MTRF1: variants seen among roughly 807,000 people sequenced by gnomAD.
MTRF1 encodes the protein peptide chain release factor 1, mitochondrial.
In MTRF1, 51 loss-of-function variants were observed where a neutral mutation model predicts 62.9. That is an observed-to-expected ratio of 0.81 (90% CI 0.65 to 1.02). MTRF1 has a LOEUF of 1.02. Ranked by LOEUF, MTRF1 falls within the 50% of genes least tolerant of loss-of-function variation. The pLI is 0.00. For missense variants in MTRF1, 446 were observed against 530.0 expected, an observed-to-expected ratio of 0.84 and a Z score of 1.56; for synonymous variants, 158 against 181.9, an observed-to-expected ratio of 0.87 and a Z score of 1.06.
At chr13:41,266,731 C>T (rs947666668), upstream of MTRF1, among the ~76,000 whole-genome samples, 4 of 152,106 alleles carry the variant, frequency 2.6e-5, no homozygotes, top group Admixed American at 6.5e-5. Flanking sequence ...CAGTGGCTCA[C>T]GCCTGTAATC....
At chr13:41,286,780 A>G in the MTRF1 span, among the ~76,000 whole-genome samples, 24 of 152,220 alleles carry the variant, frequency 1.6e-4, no homozygotes, top group African/African-American at 5.3e-4. Context: ...TTTTTTTAAC[A>G]AAAATTCAGT....
At chr13:41,262,350 A>G (rs905863257) in intron 1 of MTRF1, 28 of 148,678 alleles carry the variant, frequency 1.9e-4, no homozygotes, top group African/African-American at 6.4e-4. Flanking sequence ...AAAAAAAAAA[A>G]AAAAAAAGAA....
chr13:41,251,855 T>TAAAG (rs1362966712), intron 5 of MTRF1, among the ~76,000 whole-genome samples: 2 of 152,208 alleles, frequency 1.3e-5, no homozygotes, highest in East Asian at 3.9e-4. Flanking sequence ...TATTTAAAGG[T>TAAAG]AAAGAACTGC....
the MTRF1 span, among the ~76,000 whole-genome samples, chr13:41,286,091 A>C: frequency 4.6e-3 from 602 of 131,830 alleles, 2 homozygotes; most frequent in African/African-American, 0.014. Context: ...ACAACAACAA[A>C]AAAAAAAAAA....
intron 1 of MTRF1, among the ~76,000 whole-genome samples, 193 bp from the exon 2 acceptor site, chr13:41,261,108 C>T (rs1047813335): frequency 1.3e-5 from 2 of 152,134 alleles, no homozygotes; most frequent in Non-Finnish European, 2.9e-5. Context: ...CTGAGGCAGG[C>T]GGATCACCTG....
chr13:41,270,903 A>C, the MTRF1 span, among the ~76,000 whole-genome samples: 6 of 151,810 alleles, frequency 4.0e-5, no homozygotes, highest in Admixed American at 2.0e-4. Context: ...ATGCCCGGCT[A>C]ATTTTTTGGA....
intron 5 of MTRF1, among the ~76,000 whole-genome samples, chr13:41,243,451 T>C (rs1276973076): frequency 6.7e-6 from 1 of 149,598 alleles, no homozygotes; most frequent in East Asian, 2.0e-4. Flanking sequence ...AGTTCAGTGC[T>C]CTTCTCCTAT....
chr13:41,297,275 G>T, the MTRF1 span, among the ~76,000 whole-genome samples: 9 of 152,116 alleles, frequency 5.9e-5, no homozygotes, highest in Admixed American at 2.6e-4. Context: ...ATTCCCCAAG[G>T]CTAGTGGGCG....
chr13:41,242,838 C>G (rs1245104040), intron 5 of MTRF1, among the ~76,000 whole-genome samples: 1 of 152,072 alleles, frequency 6.6e-6, no homozygotes, highest in Non-Finnish European at 1.5e-5. Context: ...AATCCTGGCA[C>G]TGTGCAAAGC....
the MTRF1 span, among the ~76,000 whole-genome samples, chr13:41,309,192 CTT>C: frequency 6.9e-6 from 1 of 145,086 alleles, no homozygotes. Context: ...TGCATGTGTC[CTT>C]TTTTTTTTTG....
In MTRF1 at chr13:41,250,258, T is replaced by C. The variant is rs146928248; in HGVS notation, c.697+2387A>G. ...CTCTTTTGCTTCCATAATATTTTAC[T>C]GTCCTCATCCTTTTTCTGATTATCT... On this transcript the variant is annotated intron_variant, in intron 5 of 9. Coordinates refer to ENST00000379480, the MANE Select transcript of MTRF1 (RefSeq NM_004294.4). Among the ~76,000 whole-genome samples, 6 of 152,328 alleles carry C rather than the reference T, an allele frequency of 3.9e-5. No individual in the cohort carries two copies. In the East Asian group the frequency reaches 1.2e-3, roughly 29 times the overall value.
At chr13:41,269,002 T>A in the MTRF1 span, among the ~76,000 whole-genome samples, 1 of 151,100 alleles carries the variant, frequency 6.6e-6, no homozygotes, top group African/African-American at 2.4e-5. Flanking sequence ...CTTTCTGGTT[T>A]GACGTGACCA....
rs1277203301 is a variant in MTRF1, at chr13:41,226,892, A to G, written c.989-324T>C. Among the ~76,000 whole-genome samples, 11 of 152,172 alleles carry G rather than the reference A, an allele frequency of 7.2e-5. No homozygotes were observed. In the East Asian group the frequency reaches 2.1e-3, roughly 29 times the overall value. On this transcript the variant is annotated intron_variant, in intron 7 of 9. Transcript: ENST00000379480. ...TCTGCAGCTCAACAAACAGCAAACT[A>G]CTGCTACTCCCTATACTGCGCTGCT...
chr13:41,292,134 C>A, the MTRF1 span, among the ~76,000 whole-genome samples: 1 of 151,878 alleles, frequency 6.6e-6, no homozygotes, highest in Non-Finnish European at 1.5e-5. Context: ...AGAGAGAGAG[C>A]GAGAGAGAAA....
the MTRF1 span, among the ~76,000 whole-genome samples, chr13:41,283,585 CTTT>C: frequency 3.6e-5 from 3 of 83,564 alleles, no homozygotes; most frequent in Admixed American, 2.0e-4. Context: ...CTCTGACAAT[CTTT>C]TTTTTTTTTT....
intron 1 of MTRF1, chr13:41,263,273 A>G (rs1347808800): frequency 3.1e-6 from 4 of 1,289,190 alleles, no homozygotes; most frequent in Non-Finnish European, 4.0e-6. Flanking sequence ...GGTTAACTAC[A>G]CCTGAGAACA....
the MTRF1 span, among the ~76,000 whole-genome samples, chr13:41,302,186 T>C: frequency 2.6e-5 from 4 of 151,768 alleles, no homozygotes; most frequent in Admixed American, 2.6e-4. Context: ...ACCACCACCA[T>C]GTCTGGCTAA....
the MTRF1 span, among the ~76,000 whole-genome samples, chr13:41,285,818 T>A: frequency 3.0e-4 from 45 of 152,180 alleles, no homozygotes; most frequent in African/African-American, 1.1e-3. Context: ...TGGTGGCTCA[T>A]GCCTGTAATC....
chr13:41,222,625 A>G (rs2033624686), intron 9 of MTRF1, among the ~76,000 whole-genome samples: 1 of 152,244 alleles, frequency 6.6e-6, no homozygotes, highest in African/African-American at 2.4e-5. Context: ...TCAAAGTGGG[A>G]GAGAGTCTCT....
Sources: allele counts gnomAD v4.1 joint callset (sites outside exome capture counted in the v4.1 genomes callset), GRCh38; gene constraint gnomAD v4.1.1; transcripts MANE v1.5; gene names NCBI Gene and HGNC (gene_info 2026-07-23, HGNC 2026-07-21).